The following MALRD1 variants were observed in gnomAD, a reference collection of about 807,000 sequenced individuals.
The protein encoded by MALRD1 is MAM and LDL-receptor class A domain-containing protein 1.
MALRD1 carries 247 observed loss-of-function variants against 242.1 expected under a neutral mutation model. That is an observed-to-expected ratio of 1.02 (90% confidence interval 0.92 to 1.13). MALRD1 has a LOEUF of 1.13. Among genes scored for constraint, MALRD1 ranks in the 50% most tolerant of loss-of-function variants. MALRD1 has a pLI of 0.00. For synonymous variants in MALRD1, 995 were observed against 866.6 expected (o/e 1.15, Z -2.60); for missense variants, 2,989 against 2,533.1 (o/e 1.18, Z -3.86).
intron 18 of MALRD1, among the ~76,000 whole-genome samples, chr10:19,221,178 C>T (rs1460305549): frequency 6.6e-6 from 1 of 151,982 alleles, no homozygotes; most frequent in Non-Finnish European, 1.5e-5. Flanking sequence ...TGTCTTAAAT[C>T]CTAAATGGTA....
chr10:19,166,867 T>A (rs1834707118), intron 13 of MALRD1, among the ~76,000 whole-genome samples: 1 of 152,146 alleles, frequency 6.6e-6, no homozygotes. Flanking sequence ...AAGCACACTG[T>A]TTTGGAGTCA....
intron 21 of MALRD1, among the ~76,000 whole-genome samples, chr10:19,303,569 A>G (rs1452491589): frequency 3.3e-5 from 5 of 151,770 alleles, no homozygotes; most frequent in African/African-American, 4.8e-5. Context: ...GTGCTATCCA[A>G]TGGAAATATA....
chr10:19,297,047 A>G (rs1169988531), intron 21 of MALRD1, among the ~76,000 whole-genome samples: 1 of 151,018 alleles, frequency 6.6e-6, no homozygotes, highest in Non-Finnish European at 1.5e-5. Flanking sequence ...CCTTGATTCC[A>G]TTTAGTGCCT....
intron 36 of MALRD1, among the ~76,000 whole-genome samples, chr10:19,619,880 T>A (rs998433083): frequency 6.6e-6 from 1 of 151,964 alleles, no homozygotes; most frequent in Non-Finnish European, 1.5e-5. Flanking sequence ...GTTCAGTGGC[T>A]CACCCTCACC....
chr10:19,068,809 A>G (rs1835056787), intron 2 of MALRD1, among the ~76,000 whole-genome samples: 1 of 152,148 alleles, frequency 6.6e-6, no homozygotes, highest in Non-Finnish European at 1.5e-5. Context: ...ATGATTTGCC[A>G]GTGCTCCAAA....
At chr10:19,424,177 A>G (rs1362413756) in intron 28 of MALRD1, among the ~76,000 whole-genome samples, 2 of 151,746 alleles carry the variant, frequency 1.3e-5, no homozygotes, top group South Asian at 2.1e-4. Flanking sequence ...TGTTTTTTAG[A>G]TAGAGTCTTG....
intron 24 of MALRD1, among the ~76,000 whole-genome samples, chr10:19,332,980 T>A (rs1365370553): frequency 2.6e-5 from 4 of 152,120 alleles, no homozygotes; most frequent in African/African-American, 7.2e-5. Context: ...CCCATCAACA[T>A]TAGGTGTTTC....
At chr10:19,663,616 G>A (rs1482917815) in intron 36 of MALRD1, among the ~76,000 whole-genome samples, 2 of 151,986 alleles carry the variant, frequency 1.3e-5, no homozygotes, top group African/African-American at 4.8e-5. Flanking sequence ...GATTTTTAAT[G>A]GGTTGTCAGA....
In MALRD1 at chr10:19,320,921, G is replaced by GT. The variant is rs935694925; in HGVS notation, c.3420-3020dup. On this transcript the variant is annotated intron_variant, in intron 21 of 39. Transcript: ENST00000454679. ...CCTGTGCCTACTTTTTGATGGGGTTGTTTTTTTTCTTATAAATTTCTGTAA... is the reference window on the plus strand; with the variant it reads ...CCTGTGCCTACTTTTTGATGGGGTTGTTTTTTTTTCTTATAAATTTCTGTAA... Among the ~76,000 whole-genome samples, 10 of 151,474 alleles carry GT rather than the reference G, an allele frequency of 6.6e-5. No individual in the cohort carries two copies. In the East Asian group the frequency reaches 1.2e-3, roughly 18 times the overall value.
chr10:19,300,246 C>A (rs941122792), intron 21 of MALRD1, among the ~76,000 whole-genome samples: 15 of 152,040 alleles, frequency 9.9e-5, no homozygotes, highest in African/African-American at 3.6e-4. Flanking sequence ...AAAAGAAATT[C>A]ATGCTCATGG....
At chr10:19,071,558 T>G (rs1046163038) in intron 2 of MALRD1, among the ~76,000 whole-genome samples, 1 of 152,126 alleles carries the variant, frequency 6.6e-6, no homozygotes, top group Non-Finnish European at 1.5e-5. Context: ...CAAAGTCCTC[T>G]TGTGGTACCA....
chr10:19,531,531 T>C (rs1302232788), intron 32 of MALRD1, among the ~76,000 whole-genome samples, 180 bp downstream of exon 32: 1 of 152,190 alleles, frequency 6.6e-6, no homozygotes. Flanking sequence ...CATCTTAATC[T>C]CATTCAAGAT....
Position 19,057,016 on chromosome 10 carries a change from T to C in MALRD1, c.199+7879T>C, listed in dbSNP as rs79651497. Among the ~76,000 whole-genome samples the C allele has an allele frequency of 2.4e-3, 359 of 152,170 alleles. 2 individuals carry two copies. The highest frequency in any genetic ancestry group is 4.2e-3 in the Non-Finnish European group (287 of 68,000). ...TTGAACCATACTTACAGTCCTGAGC[T>C]AAATCCCACTTGATCATGCCAAATG... On this transcript the variant is annotated intron_variant, in intron 1 of 39. Transcript: ENST00000454679.
At chr10:19,626,467 T>G (rs942996225) in intron 36 of MALRD1, among the ~76,000 whole-genome samples, 4 of 151,934 alleles carry the variant, frequency 2.6e-5, no homozygotes, top group African/African-American at 7.2e-5. Context: ...TCCACACAAA[T>G]GTACTGCAAT....
chr10:19,499,135 A>G (rs560985608), intron 31 of MALRD1, among the ~76,000 whole-genome samples: 8 of 152,278 alleles, frequency 5.3e-5, no homozygotes, highest in African/African-American at 1.2e-4. Context: ...CATAATCTTC[A>G]CAAGTGTTGC....
chr10:19,269,688 G>A (rs1236665556), intron 19 of MALRD1, among the ~76,000 whole-genome samples: 1 of 148,216 alleles, frequency 6.7e-6, no homozygotes, highest in East Asian at 2.0e-4. Context: ...TCCAGAAGAA[G>A]AAACGCTTTT....
chr10:19,330,941 G>T (rs1280264373), intron 23 of MALRD1, among the ~76,000 whole-genome samples: 2 of 151,998 alleles, frequency 1.3e-5, no homozygotes, highest in African/African-American at 4.8e-5. Flanking sequence ...TGAATGACAA[G>T]AATTGAGCAA....
chr10:19,309,598 T>C (rs1047611667), intron 21 of MALRD1, among the ~76,000 whole-genome samples: 5 of 151,528 alleles, frequency 3.3e-5, no homozygotes, highest in African/African-American at 1.2e-4. Flanking sequence ...AGAGACTGTG[T>C]GAACAGGTGA....
At chr10:19,211,595 G>C (rs181450428) in intron 18 of MALRD1, among the ~76,000 whole-genome samples, 45 of 148,216 alleles carry the variant, frequency 3.0e-4, no homozygotes, top group African/African-American at 1.1e-3. Context: ...GGTGAGGCAG[G>C]ATAATCGCTT....
Sources: allele counts gnomAD v4.1 joint callset (sites outside exome capture counted in the v4.1 genomes callset), GRCh38; gene constraint gnomAD v4.1.1; transcripts MANE v1.5; gene names NCBI Gene and HGNC (gene_info 2026-07-23, HGNC 2026-07-21).